DLGAP2: variants seen among roughly 807,000 people sequenced by gnomAD.
The protein encoded by DLGAP2 is DLG associated protein 2.
DLGAP2 carries 26 observed loss-of-function variants against 100.3 expected under a neutral mutation model. That is an observed-to-expected ratio of 0.26 (90% CI 0.19 to 0.36). The LOEUF (loss-of-function observed/expected upper bound fraction) is 0.36. DLGAP2 is among the 10% of genes least tolerant of loss of function. The pLI is 1.00. For missense variants in DLGAP2, 1,858 were observed against 1,453.2 expected, an observed-to-expected ratio of 1.28 and a Z score of -4.53; for synonymous variants, 886 against 630.1, an observed-to-expected ratio of 1.41 and a Z score of -6.08.
chr8:834,707 C>T (rs573141804), intron 1 of DLGAP2, among the ~76,000 whole-genome samples: 6 of 152,076 alleles, frequency 3.9e-5, no homozygotes, highest in African/African-American at 1.4e-4. Flanking sequence ...GTGCTATGCC[C>T]TATTGGGTAC....
intron 2 of DLGAP2, among the ~76,000 whole-genome samples, chr8:1,110,977 G>T (rs1411256323): frequency 6.6e-6 from 1 of 152,054 alleles, no homozygotes; most frequent in South Asian, 2.1e-4. Flanking sequence ...AGATGCATCT[G>T]CCAGCCGAAG....
intron 3 of DLGAP2, among the ~76,000 whole-genome samples, chr8:1,317,551 A>G (rs1453268530): frequency 1.4e-5 from 2 of 138,958 alleles, no homozygotes; most frequent in South Asian, 2.3e-4. Context: ...CGTGTCTCCA[A>G]CAGTGGTCTA....
Position 1,282,725 on chromosome 8 carries a change from C to G in DLGAP2, c.106+23842C>G, listed in dbSNP as rs1421100960. 1.6e-4 allele frequency among the ~76,000 whole-genome samples: 21 copies of G among 134,216 alleles called. 1 individual carries two copies. The highest frequency in any genetic ancestry group is 2.8e-4 in the Non-Finnish European group (17 of 61,716). 88.1% of individuals were successfully genotyped at this position (134,216 alleles called of 152,430 possible). A position where few individuals can be genotyped will look rare whatever the true frequency, so the allele number is the denominator to read the frequency against. On this transcript the variant is annotated intron_variant, in intron 3 of 14. Coordinates refer to ENST00000637795, the MANE Select transcript of DLGAP2 (RefSeq NM_001346810.2). Reference sequence around the variant, plus strand: ...CGTGGTGTGACCTGAACCCAGCGCCCTGAACCATCTGGACGTGGTGTGACC... The same window carrying G: ...CGTGGTGTGACCTGAACCCAGCGCCGTGAACCATCTGGACGTGGTGTGACC...
chr8:1,173,969 G>T (rs527414817), intron 2 of DLGAP2, among the ~76,000 whole-genome samples: 16 of 152,152 alleles, frequency 1.1e-4, no homozygotes, highest in Non-Finnish European at 2.1e-4. Flanking sequence ...CGTCTTCTGT[G>T]TCGCTCACGC....
At chr8:1,630,461 G>C (rs1797613335) in intron 7 of DLGAP2, among the ~76,000 whole-genome samples, 1 of 152,134 alleles carries the variant, frequency 6.6e-6, no homozygotes, top group African/African-American at 2.4e-5. Context: ...CCAGCACTTT[G>C]GGAGGCCGAG....
intron 3 of DLGAP2, among the ~76,000 whole-genome samples, chr8:1,500,403 G>A (rs993330627): frequency 1.9e-4 from 28 of 148,700 alleles, no homozygotes; most frequent in African/African-American, 6.9e-4. Flanking sequence ...AGCTGTGTCT[G>A]CACTGCCTCT....
intron 3 of DLGAP2, among the ~76,000 whole-genome samples, chr8:1,425,711 C>T (rs1797220007): frequency 6.6e-6 from 1 of 152,088 alleles, no homozygotes; most frequent in African/African-American, 2.4e-5. Context: ...GGGAACTGGC[C>T]CCTGTGGGCT....
chr8:1,010,028 C>T, intron 2 of DLGAP2, among the ~76,000 whole-genome samples: 1 of 152,228 alleles, frequency 6.6e-6, no homozygotes, highest in South Asian at 2.1e-4. Flanking sequence ...AAAAGAATGT[C>T]AGTATTTCAC....
intron 2 of DLGAP2, among the ~76,000 whole-genome samples, chr8:1,187,739 T>G (rs1426091776): frequency 2.7e-5 from 2 of 73,740 alleles, no homozygotes; most frequent in African/African-American, 7.2e-5. Context: ...CGCCCGAGAC[T>G]TCCGTGACGT....
chr8:1,210,030 A>G (rs1359614558), intron 2 of DLGAP2, among the ~76,000 whole-genome samples: 2 of 151,964 alleles, frequency 1.3e-5, no homozygotes, highest in Non-Finnish European at 2.9e-5. Context: ...GTGCTCAGTC[A>G]TCCACCTCGC....
intron 2 of DLGAP2, among the ~76,000 whole-genome samples, chr8:1,187,603 A>G (rs1051247935): frequency 2.9e-5 from 4 of 139,564 alleles, no homozygotes; most frequent in Non-Finnish European, 4.6e-5. Flanking sequence ...CGTTTCCCTC[A>G]CGGAATCTCA....
chr8:1,661,462 G>A (rs1033108987), intron 8 of DLGAP2, among the ~76,000 whole-genome samples: 1 of 152,220 alleles, frequency 6.6e-6, no homozygotes, highest in African/African-American at 2.4e-5. Flanking sequence ...CAGGGAAGAA[G>A]GCTTTCATCA....
At chr8:1,084,648 T>C (rs969567182) in intron 2 of DLGAP2, among the ~76,000 whole-genome samples, 1 of 152,246 alleles carries the variant, frequency 6.6e-6, no homozygotes, top group Non-Finnish European at 1.5e-5. Context: ...TGTGCCTGGC[T>C]TCTTTCAGTT....
chr8:1,186,056 C>T (rs950913034), intron 2 of DLGAP2, among the ~76,000 whole-genome samples: 1 of 152,194 alleles, frequency 6.6e-6, no homozygotes, highest in Non-Finnish European at 1.5e-5. Context: ...AATGCGGGCT[C>T]TGGAGACAGC....
chr8:1,494,656 A>T (rs1295045376), intron 3 of DLGAP2, among the ~76,000 whole-genome samples: 1 of 151,958 alleles, frequency 6.6e-6, no homozygotes, highest in Middle Eastern at 3.2e-3. Context: ...TGATCCCGGG[A>T]GGTGGAGGTT....
At chr8:1,658,674 G>C (rs1798339596) in intron 8 of DLGAP2, among the ~76,000 whole-genome samples, 1 of 152,132 alleles carries the variant, frequency 6.6e-6, no homozygotes, top group Non-Finnish European at 1.5e-5. Context: ...GTATTTCTGT[G>C]GGATCAGTGG....
chr8:1,669,810 C>A (rs1326697324), intron 10 of DLGAP2, 26 bp downstream of exon 10: 1 of 780,802 alleles, frequency 1.3e-6, no homozygotes, highest in East Asian at 2.4e-5. Flanking sequence ...TGCTCCAAAG[C>A]CGCGTCCGCA....
intron 3 of DLGAP2, among the ~76,000 whole-genome samples, chr8:1,452,696 G>A (rs1035617277): frequency 5.9e-5 from 9 of 152,218 alleles, no homozygotes; most frequent in African/African-American, 1.9e-4. Context: ...CGGGTTCTGC[G>A]CTGGGCAGCT....
intron 1 of DLGAP2, among the ~76,000 whole-genome samples, chr8:776,879 A>C (rs1410748417): frequency 6.6e-6 from 1 of 152,110 alleles, no homozygotes; most frequent in African/African-American, 2.4e-5. Context: ...CTTGTTGCAG[A>C]GCTGAGTTCA....
Sources: allele counts gnomAD v4.1 joint callset (sites outside exome capture counted in the v4.1 genomes callset), GRCh38; gene constraint gnomAD v4.1.1; transcripts MANE v1.5; gene names NCBI Gene and HGNC (gene_info 2026-07-23, HGNC 2026-07-21).